The following MET variants were observed in gnomAD, a reference collection of about 807,000 sequenced individuals.
The protein encoded by MET is hepatocyte growth factor receptor.
MET carries 48 observed loss-of-function variants against 133.1 expected under a neutral mutation model. That is an observed-to-expected ratio of 0.36 (90% CI 0.29 to 0.46). The LOEUF (loss-of-function observed/expected upper bound fraction) is 0.46. MET is among the 20% of genes least tolerant of loss of function. The pLI is 1.00. For synonymous variants in MET, 628 were observed against 616.5 expected (o/e 1.02, Z -0.28); for missense variants, 1,442 against 1,695.9 (o/e 0.85, Z 2.63).
At chr7:116,785,843 C>T (rs1314673705) in intron 19 of MET, among the ~76,000 whole-genome samples, 3 of 152,180 alleles carry the variant, frequency 2.0e-5, no homozygotes, top group Non-Finnish European at 4.4e-5. Flanking sequence ...CATGCAATAA[C>T]ACATATATGA....
rs528997092 is a variant in MET at position 116,766,002 on chromosome 7, A to G, written c.2583+2734A>G. On this transcript the variant is annotated intron_variant, in intron 11 of 20. Coordinates refer to ENST00000397752, the MANE Select transcript of MET (RefSeq NM_000245.4). ...TTATATTAACTCTCATTTAATGTAT[A>G]CTAAAATACCATTATAGAGACACTT... is the stretch of plus-strand genomic sequence containing the variant. Among the ~76,000 whole-genome samples, 12 of 152,364 alleles carry G rather than the reference A, an allele frequency of 7.9e-5. 1 individual carries two copies. The South Asian group carries it at 2.5e-3, about 32-fold the overall frequency.
At chr7:116,682,213 G>A (rs921304940) in intron 1 of MET, among the ~76,000 whole-genome samples, 2 of 152,154 alleles carry the variant, frequency 1.3e-5, no homozygotes, top group Non-Finnish European at 2.9e-5. Context: ...ACAATGAAAG[G>A]TGACAGCCCT....
At chr7:116,734,249 G>A (rs1196440713) in intron 3 of MET, among the ~76,000 whole-genome samples, 1 of 152,150 alleles carries the variant, frequency 6.6e-6, no homozygotes, top group Non-Finnish European at 1.5e-5. Context: ...AAAGACAGCT[G>A]CCCTACACAA....
At chr7:116,750,945 A>G (rs1026476215) in intron 5 of MET, among the ~76,000 whole-genome samples, 5 of 152,240 alleles carry the variant, frequency 3.3e-5, no homozygotes, top group African/African-American at 1.2e-4. Context: ...GGATGTGGAG[A>G]AATAGGGAAT....
chr7:116,690,923 T>C (rs1055329382), intron 1 of MET, among the ~76,000 whole-genome samples: 1 of 152,238 alleles, frequency 6.6e-6, no homozygotes, highest in Non-Finnish European at 1.5e-5. Flanking sequence ...ATACAGTATT[T>C]TAAATGTCAT....
chr7:116,786,480 C>T (rs990664513), intron 19 of MET, among the ~76,000 whole-genome samples: 1 of 151,944 alleles, frequency 6.6e-6, no homozygotes, highest in African/African-American at 2.4e-5. Flanking sequence ...GGTAAGGGAC[C>T]CAGAAGCAAA....
chr7:116,749,469 A>G (rs6954327), intron 5 of MET, among the ~76,000 whole-genome samples: 2,657 of 152,310 alleles, frequency 0.017, 87 homozygotes, highest in African/African-American at 0.061. Flanking sequence ...CAAAATAATA[A>G]GAGCTATTTA....
chr7:116,769,582 A>G (rs2116981537), intron 11 of MET, 63 bp from the exon 12 acceptor site: 2 of 1,585,902 alleles, frequency 1.3e-6, no homozygotes, highest in East Asian at 2.2e-5. Context: ...TTCCTTTGCC[A>G]TTGTTAGCAT....
At chr7:116,745,209 A>C (rs570017283) in intron 5 of MET, among the ~76,000 whole-genome samples, 25 of 152,304 alleles carry the variant, frequency 1.6e-4, no homozygotes, top group Admixed American at 3.3e-4. Flanking sequence ...ATACCTAGGA[A>C]TCCAACTTAC....
intron 15 of MET, among the ~76,000 whole-genome samples, 169 bp downstream of exon 15, chr7:116,775,280 C>T (rs1056651403): frequency 3.9e-5 from 6 of 152,170 alleles, no homozygotes; most frequent in African/African-American, 1.2e-4. Context: ...AAATCATATC[C>T]GTGGGGATTT....
At chr7:116,717,175 G>A (rs1792276030) in intron 2 of MET, among the ~76,000 whole-genome samples, 1 of 152,166 alleles carries the variant, frequency 6.6e-6, no homozygotes, top group African/African-American at 2.4e-5. Flanking sequence ...TAACAGCCTG[G>A]CCGTGCATTA....
chr7:116,752,700 T>C (rs1412842857), intron 5 of MET, among the ~76,000 whole-genome samples: 1 of 152,224 alleles, frequency 6.6e-6, no homozygotes. Flanking sequence ...AGTGCCCCAG[T>C]TGCGCAGCTC....
chr7:116,714,588 G>A (rs1366037692), intron 2 of MET, among the ~76,000 whole-genome samples: 2 of 152,144 alleles, frequency 1.3e-5, no homozygotes, highest in Non-Finnish European at 2.9e-5. Flanking sequence ...GCTATTGTAC[G>A]TGTCAATCTT....
intron 4 of MET, 158 bp downstream of exon 4, chr7:116,740,242 C>T: frequency 1.2e-6 from 1 of 843,092 alleles, no homozygotes; most frequent in Non-Finnish European, 1.9e-6. Flanking sequence ...CTTCTGAAAT[C>T]TAGTTAATTT....
chr7:116,716,339 A>AGAGAG (rs1562893020), intron 2 of MET, among the ~76,000 whole-genome samples: 3 of 105,238 alleles, frequency 2.9e-5, no homozygotes, highest in East Asian at 3.0e-4. Flanking sequence ...GAGAGAGAGA[A>AGAGAG]AAGAAACGGA....
chr7:116,772,104 A>G (rs1352478752), intron 14 of MET, 115 bp downstream of exon 14: 3 of 1,151,106 alleles, frequency 2.6e-6, no homozygotes, highest in African/African-American at 1.5e-5. Context: ...TAAAGGAAGT[A>G]TTTACCTCTG....
Position 116,777,378 on chromosome 7 carries a change from C to CTTTT in MET, c.3260-10_3260-7dup. The stretch of plus-strand genomic sequence containing the variant: ...TTACGCAGTGCTAACCAAGTTCTTT[C>CTTTT]TTTTGCACAGGGCATTTTGGTTGTG... On this transcript the variant is annotated splice_polypyrimidine_tract_variant and intron_variant, in intron 15 of 20. Coordinates refer to ENST00000397752, the MANE Select transcript of MET (RefSeq NM_000245.4). 1.2e-6 allele frequency: 2 copies of CTTTT among 1,612,770 alleles called. No homozygotes were observed. Among genetic ancestry groups the CTTTT allele is most frequent in the Non-Finnish European group, 1.7e-6 (2 of 1,178,842 alleles).
intron 19 of MET, among the ~76,000 whole-genome samples, chr7:116,785,040 A>C (rs1795268606): frequency 6.6e-6 from 1 of 152,242 alleles, no homozygotes; most frequent in Non-Finnish European, 1.5e-5. Context: ...CAAGTCCAAA[A>C]CCCAGCAAGG....
In MET at chr7:116,710,703, T is replaced by TA. The variant is rs994221243; in HGVS notation, c.1200+10429dup. 3.1e-4 allele frequency among the ~76,000 whole-genome samples: 45 copies of TA among 146,982 alleles called. 1 individual carries two copies. The highest frequency in any genetic ancestry group is 6.5e-4 in the South Asian group (3 of 4,628). ...ACCTAACAAAAGAAAGTTTTCTTAT[T>TA]AAAAAAAAAACCCTCCAAATTATTG... On this transcript the variant is annotated intron_variant, in intron 2 of 20. Coordinates refer to ENST00000397752, the MANE Select transcript of MET (RefSeq NM_000245.4).
Sources: allele counts gnomAD v4.1 joint callset (sites outside exome capture counted in the v4.1 genomes callset), GRCh38; gene constraint gnomAD v4.1.1; transcripts MANE v1.5; gene names NCBI Gene and HGNC (gene_info 2026-07-23, HGNC 2026-07-21).